USP24: variants seen among roughly 807,000 people sequenced by gnomAD.
USP24 encodes the protein ubiquitin specific peptidase 24, also known as ubiquitin carboxyl-terminal hydrolase 24.
Under a neutral mutation model 361.6 loss-of-function variants are expected in USP24, and 97 were observed. That is an observed-to-expected ratio of 0.27 (90% CI 0.23 to 0.32). The LOEUF (loss-of-function observed/expected upper bound fraction) is 0.32, where lower values mean the gene tolerates loss of function less well. Among genes scored for constraint, USP24 ranks in the 10% least tolerant of loss-of-function variants. USP24 has a pLI of 1.00. For synonymous variants in USP24, 1,098 were observed against 1,124.6 expected, an observed-to-expected ratio of 0.98 and a Z score of 0.47; for missense variants, 2,353 against 3,165.6, an observed-to-expected ratio of 0.74 and a Z score of 6.16.
At chr1:55,079,746 TC>T in intron 59 of USP24, 87 bp from the exon 60 acceptor site, 1 of 1,472,076 alleles carries the variant, frequency 6.8e-7, no homozygotes, top group Middle Eastern at 1.9e-4. Flanking sequence ...TGTGCCTCCT[TC>T]AAGACTCGCA....
chr1:55,105,474 T>A (rs1448207655), intron 41 of USP24, among the ~76,000 whole-genome samples: 1 of 152,192 alleles, frequency 6.6e-6, no homozygotes, highest in Non-Finnish European at 1.5e-5. Context: ...ACAGGAACCC[T>A]TTTCACTATA....
chr1:55,171,734 T>C, intron 4 of USP24, 56 bp from the exon 5 acceptor site: 1 of 1,533,240 alleles, frequency 6.5e-7, no homozygotes, highest in Non-Finnish European at 8.8e-7. Flanking sequence ...CAACACATAT[T>C]AGCATTAGAA....
intron 1 of USP24, among the ~76,000 whole-genome samples, chr1:55,189,829 A>G (rs1473259299): frequency 1.3e-5 from 2 of 152,186 alleles, no homozygotes; most frequent in African/African-American, 4.8e-5. Flanking sequence ...TGTAATAAAA[A>G]TCTAACACAT....
intron 59 of USP24, among the ~76,000 whole-genome samples, chr1:55,080,070 G>A (rs1035131306): frequency 3.9e-5 from 6 of 152,190 alleles, no homozygotes; most frequent in Non-Finnish European, 5.9e-5. Context: ...AGCTGCCACT[G>A]AAGATACAGT....
intron 32 of USP24, 150 bp from the exon 33 acceptor site, chr1:55,125,908 A>C: frequency 1.5e-6 from 1 of 662,000 alleles, no homozygotes; most frequent in Non-Finnish European, 2.5e-6. Flanking sequence ...CTATCATAAT[A>C]ATTTCCTATG....
chr1:55,083,600 G>A (rs1645194005), intron 57 of USP24, among the ~76,000 whole-genome samples, 172 bp downstream of exon 57: 1 of 152,082 alleles, frequency 6.6e-6, no homozygotes, highest in African/African-American at 2.4e-5. Context: ...TGCTATCAAT[G>A]AGTAACTATA....
At chr1:55,083,542 A>T (rs1645192843) in intron 57 of USP24, among the ~76,000 whole-genome samples, 178 bp from the exon 58 acceptor site, 1 of 152,192 alleles carries the variant, frequency 6.6e-6, no homozygotes, top group South Asian at 2.1e-4. Context: ...ACATTGCTTC[A>T]CAATAACTAC....
chr1:55,097,085 T>C lies in USP24; in HGVS notation c.5803A>G (p.Ser1935Gly). The change falls in exon 49 of 68, where the codon AGT (serine) becomes GGT (glycine). Residue 1935 changes from serine to glycine, a missense_variant. Ser to Gly is a moderately conservative substitution (Grantham distance 56). Transcript: ENST00000294383. The part of the protein sequence containing the change: ...SSSEVGENGR[S>G]VDQGGGGSPR... Reference sequence around the variant, plus strand: ...GATCCTCCACCGCCCTGATCCACACTTCGCCCATTTTCCCCAACTTCAGAA... The same window carrying C: ...GATCCTCCACCGCCCTGATCCACACCTCGCCCATTTTCCCCAACTTCAGAA... The C allele has an allele frequency of 6.2e-7, 1 of 1,613,950 alleles. No homozygotes were observed. The highest frequency in any genetic ancestry group is 8.5e-7 in the Non-Finnish European group (1 of 1,179,872).
At chr1:55,174,504 T>C (rs991170659) in intron 3 of USP24, among the ~76,000 whole-genome samples, 1 of 152,240 alleles carries the variant, frequency 6.6e-6, no homozygotes, top group African/African-American at 2.4e-5. Flanking sequence ...CTCACAGTTT[T>C]ACAGAAAAAT....
intron 39 of USP24, 104 bp downstream of exon 39, chr1:55,110,060 CAACTTCAAACAATTGTAATTG>C: frequency 1.3e-6 from 1 of 763,886 alleles, no homozygotes; most frequent in Non-Finnish European, 2.0e-6. Context: ...AAACAAGGTT[CAACTTCAAACAATTGTAATTG>C]TATTTACACC....
At chr1:55,152,275 T>G (rs987778462) in intron 16 of USP24, among the ~76,000 whole-genome samples, 1 of 152,222 alleles carries the variant, frequency 6.6e-6, no homozygotes, top group African/African-American at 2.4e-5. Context: ...AATTCTCCTT[T>G]TACTTTTTGA....
chr1:55,071,351 T>G (rs1644914822), intron 67 of USP24: 7 of 992,356 alleles, frequency 7.1e-6, no homozygotes, highest in African/African-American at 1.7e-5. Flanking sequence ...CTGTTTTTTT[T>G]TCTTTTTTTA....
rs2100471697 is a variant in USP24 at position 55,092,050 on chromosome 1, G to C, written c.6527C>G (p.Thr2176Ser). The C allele has an allele frequency of 1.2e-6, 2 of 1,611,654 alleles. No homozygotes were observed. Among genetic ancestry groups the C allele is most frequent in the South Asian group, 1.1e-5 (1 of 90,500 alleles). ...LQLAIQFLFQ[T>S]YLRTKKKLRV... The stretch of plus-strand genomic sequence containing the variant: ...GAGTTTCTTCTTTGTCCGTAGATAA[G>C]TTTGAAAAAGGAATTGAATAGCAAG... Residue 2176 changes from threonine to serine, a missense_variant, in exon 54 of 68, where the codon ACT becomes AGT. Around this residue, in one of 8 missense-constraint regions of USP24, gnomAD observed 598 missense variants for 761.9 expected, o/e 0.78. Coordinates refer to ENST00000294383, the MANE Select transcript of USP24 (RefSeq NM_015306.3).
intron 43 of USP24, 37 bp downstream of exon 43, chr1:55,101,547 A>G (rs1645635246): frequency 6.4e-7 from 1 of 1,572,886 alleles, no homozygotes; most frequent in Non-Finnish European, 8.6e-7. Context: ...CGCACGTATT[A>G]TCTATCGTAC....
chr1:55,068,579 C>G lies in USP24; in HGVS notation c.*466G>C, dbSNP rs186511696. The G allele has an allele frequency of 1.3e-5, 2 of 156,004 alleles. No homozygotes were observed. The highest frequency in any genetic ancestry group is 1.3e-4 in the Admixed American group (2 of 15,616). The allele number at this position is 156,004 out of a possible 1,614,324, so 9.7% of individuals were successfully genotyped here. A position where few individuals can be genotyped will look rare whatever the true frequency, so the allele number is the denominator to read the frequency against. On this transcript the variant is annotated 3_prime_UTR_variant, in exon 68 of 68. Coordinates refer to ENST00000294383, the MANE Select transcript of USP24 (RefSeq NM_015306.3). The stretch of plus-strand genomic sequence containing the variant: ...AAGGAATTTTATTACATCTTTACAT[C>G]ATTTTAAATTGGATATTCCTGTTTA...
chr1:55,147,691 T>C lies in USP24; in HGVS notation c.2076A>G (p.Leu692=). The change falls in exon 18 of 68, where the codon TTA becomes TTG. Residue 692 remains leucine, a synonymous_variant. Transcript: ENST00000294383. ...GGCCATCCACTAGTGTCGAGCCACT[T>C]AAGCCTCCAGGCCCGGCCACAGCAG... is the stretch of plus-strand genomic sequence containing the variant. ...LAAAVAGPGG[L]SGSTLVDGRY... 6.2e-7 allele frequency: 1 copy of C among 1,611,282 alleles called. No homozygotes were observed. The highest frequency in any genetic ancestry group is 8.5e-7 in the Non-Finnish European group (1 of 1,178,692).
At chr1:55,126,549 A>C (rs1018317448) in intron 32 of USP24, among the ~76,000 whole-genome samples, 1 of 152,234 alleles carries the variant, frequency 6.6e-6, no homozygotes, top group Admixed American at 6.5e-5. Context: ...ATTGCTTAAG[A>C]ACAATATCTG....
intron 59 of USP24, 150 bp from the exon 60 acceptor site, chr1:55,079,809 GAGTACTCGCAGAGTACTT>G: frequency 9.8e-7 from 1 of 1,022,410 alleles, no homozygotes; most frequent in Non-Finnish European, 1.3e-6. Flanking sequence ...CTCACACACT[GAGTACTCGCAGAGTACTT>G]GCACACACAG....
At chr1:55,151,800 G>T in intron 16 of USP24, 1 of 756,848 alleles carries the variant, frequency 1.3e-6, no homozygotes, top group Non-Finnish European at 1.6e-6. Flanking sequence ...GAACACAACA[G>T]TGGAACTTGG....
Sources: gnomAD v4.1 joint callset for allele counts (sites outside exome capture counted in the v4.1 genomes callset) on GRCh38, gnomAD v4.1.1 for gene constraint, gnomAD v4.1.1 regional missense constraint, MANE v1.5 for transcripts, NCBI Gene and HGNC (gene_info 2026-07-23, HGNC 2026-07-21) for gene names.